ATP6V0A4: variants seen among roughly 807,000 people sequenced by gnomAD.
The protein encoded by ATP6V0A4 is ATPase H+ transporting V0 subunit a4, also known as V-type proton ATPase 116 kDa subunit a 4.
ATP6V0A4 carries 86 observed loss-of-function variants against 107.3 expected under a neutral mutation model. That is an observed-to-expected ratio of 0.80 (90% confidence interval 0.67 to 0.96). The LOEUF is 0.96. Ranked by LOEUF, ATP6V0A4 falls within the 40% of genes least tolerant of loss-of-function variation. The pLI is 0.00. For missense variants in ATP6V0A4, 908 were observed against 1,045.6 expected, an observed-to-expected ratio of 0.87 and a Z score of 1.81; for synonymous variants, 353 against 381.4, an observed-to-expected ratio of 0.93 and a Z score of 0.87.
At chr7:138,738,516 A>G (rs2117254734) in intron 15 of ATP6V0A4, among the ~76,000 whole-genome samples, 1 of 152,308 alleles carries the variant, frequency 6.6e-6, no homozygotes, top group South Asian at 2.1e-4. Flanking sequence ...GACCAAGGAC[A>G]ACGTCTTGCA....
chr7:138,797,807 C>G (rs1181591884), intron 1 of ATP6V0A4: 3 of 488,932 alleles, frequency 6.1e-6, no homozygotes, highest in Non-Finnish European at 7.5e-6. Context: ...CTTGTCCTCC[C>G]CTTGTTTCTC....
At chr7:138,717,306 G>A (rs546448161) in intron 19 of ATP6V0A4, among the ~76,000 whole-genome samples, 3 of 152,192 alleles carry the variant, frequency 2.0e-5, no homozygotes, top group Non-Finnish European at 4.4e-5. Flanking sequence ...CCAGCACCTC[G>A]GGAGACCAAG....
At chr7:138,719,496 A>G (rs1562981653) in intron 19 of ATP6V0A4, among the ~76,000 whole-genome samples, 1 of 152,184 alleles carries the variant, frequency 6.6e-6, no homozygotes, top group African/African-American at 2.4e-5. Context: ...CCACCAATCA[A>G]TCATCAGTCA....
At chr7:138,728,690 C>T in intron 18 of ATP6V0A4, 71 bp downstream of exon 18, 2 of 1,602,902 alleles carry the variant, frequency 1.2e-6, no homozygotes, top group Non-Finnish European at 1.7e-6. Context: ...TCTCTCTAAA[C>T]CCAAGATTCA....
At chr7:138,718,569 C>T (rs1804246277) in intron 19 of ATP6V0A4, among the ~76,000 whole-genome samples, 1 of 45,118 alleles carries the variant, frequency 2.2e-5, no homozygotes, top group Non-Finnish European at 4.2e-5. Flanking sequence ...GGGAGACATC[C>T]GGAGAGGCAT....
intron 1 of ATP6V0A4, among the ~76,000 whole-genome samples, chr7:138,795,328 A>ACACATTATCCCCCTCCTC (rs1457899198): frequency 6.6e-6 from 1 of 152,122 alleles, no homozygotes; most frequent in Non-Finnish European, 1.5e-5. Context: ...GGGAGGGCCA[A>ACACATTATCCCCCTCCTC]CACATTATCC....
chr7:138,769,312 C>A, intron 3 of ATP6V0A4, 61 bp from the exon 4 acceptor site: 163 of 1,325,762 alleles, frequency 1.2e-4, no homozygotes, highest in Non-Finnish European at 1.5e-4. Context: ...AGATTTCTTT[C>A]TTTTTTTTTT....
chr7:138,767,442 G>C (rs1250039354), intron 5 of ATP6V0A4, among the ~76,000 whole-genome samples: 1 of 152,136 alleles, frequency 6.6e-6, no homozygotes, highest in East Asian at 1.9e-4. Flanking sequence ...AGAATCGCTT[G>C]AGCCTGGGAG....
intron 1 of ATP6V0A4, 176 bp downstream of exon 1, chr7:138,797,858 T>C: frequency 1.3e-6 from 1 of 772,846 alleles, no homozygotes; most frequent in South Asian, 1.7e-5. Flanking sequence ...AGGGCACAGC[T>C]TGCCCCTCCC....
chr7:138,767,930 G>T (rs1017110197), intron 5 of ATP6V0A4, among the ~76,000 whole-genome samples: 2 of 151,750 alleles, frequency 1.3e-5, no homozygotes, highest in African/African-American at 2.4e-5. Context: ...TGGTTTTTTT[G>T]TTTGTTTGTT....
At chr7:138,709,921 C>G (rs908171855) in intron 20 of ATP6V0A4, 126 bp from the exon 21 acceptor site, 1 of 1,132,922 alleles carries the variant, frequency 8.8e-7, no homozygotes, top group Non-Finnish European at 1.2e-6. Flanking sequence ...ACTCTGTTGC[C>G]TAGGATGGTC....
chr7:138,787,402 C>T (rs138582077), intron 1 of ATP6V0A4, among the ~76,000 whole-genome samples: 73 of 152,298 alleles, frequency 4.8e-4, no homozygotes, highest in African/African-American at 1.6e-3. Flanking sequence ...CAAGGTCACA[C>T]TCCAAGTGAC....
intron 3 of ATP6V0A4, 61 bp from the exon 4 acceptor site, chr7:138,769,312 CT>C (rs540481545): frequency 0.13 from 162,356 of 1,247,146 alleles, 3 homozygotes; most frequent in East Asian, 0.19. Flanking sequence ...AGATTTCTTT[CT>C]TTTTTTTTTT....
At chr7:138,755,012 A>G (rs1253230209) in intron 10 of ATP6V0A4, among the ~76,000 whole-genome samples, 1 of 152,236 alleles carries the variant, frequency 6.6e-6, no homozygotes, top group Non-Finnish European at 1.5e-5. Flanking sequence ...CAATAGCCAC[A>G]TGTGGCTCGT....
intron 20 of ATP6V0A4, among the ~76,000 whole-genome samples, chr7:138,711,674 C>T (rs1005055139): frequency 1.3e-5 from 2 of 152,212 alleles, no homozygotes; most frequent in Non-Finnish European, 2.9e-5. Flanking sequence ...AGCTTCACCC[C>T]CGTCGGGTTA....
chr7:138,709,904 G>A (rs920800900), intron 20 of ATP6V0A4, 109 bp from the exon 21 acceptor site: 3 of 1,276,782 alleles, frequency 2.3e-6, no homozygotes, highest in Non-Finnish European at 1.0e-6. Flanking sequence ...AATAGAGACA[G>A]GGTCTCACTC....
rs5029836 is a variant in ATP6V0A4 at position 138,714,563 on chromosome 7, C to T, written c.2257+1201G>A. On this transcript the variant is annotated intron_variant, in intron 20 of 21. Coordinates refer to ENST00000310018, the MANE Select transcript of ATP6V0A4 (RefSeq NM_020632.3). ...TCTTTTAGATAGATAGATAGATAGA[C>T]AGACAGACAGACAGACAGACAGGCA... Among the ~76,000 whole-genome samples, 173 of 61,478 alleles carry T rather than the reference C, an allele frequency of 2.8e-3. 1 individual carries two copies. Among genetic ancestry groups the T allele is most frequent in the African/African-American group, 7.9e-3 (145 of 18,446 alleles). 40.3% of individuals were successfully genotyped at this position (61,478 alleles called of 152,430 possible).
In ATP6V0A4 at chr7:138,715,692, C is replaced by T. The variant is rs545291212; in HGVS notation, c.2257+72G>A. 29 of 1,563,870 alleles carry T rather than the reference C, an allele frequency of 1.9e-5. No homozygotes were observed. In the South Asian group the frequency reaches 3.2e-4, roughly 17 times the overall value. On this transcript the variant is annotated intron_variant, in intron 20 of 21. Coordinates refer to ENST00000310018, the MANE Select transcript of ATP6V0A4 (RefSeq NM_020632.3). ...TAGCTCGGAGAAGTCACCTTTACTT[C>T]CAAATACATGGCACCTATTTCCTGG...
chr7:138,778,865 C>T (rs1040362465), intron 2 of ATP6V0A4, among the ~76,000 whole-genome samples: 11 of 152,118 alleles, frequency 7.2e-5, no homozygotes, highest in African/African-American at 2.7e-4. Context: ...TTACCCCCAT[C>T]CATTGGTAAT....
Sources: allele counts gnomAD v4.1 joint callset (sites outside exome capture counted in the v4.1 genomes callset), GRCh38; gene constraint gnomAD v4.1.1; transcripts MANE v1.5; gene names NCBI Gene and HGNC (gene_info 2026-07-23, HGNC 2026-07-21).